TEX15: variants seen among roughly 807,000 people sequenced by gnomAD.
The protein encoded by TEX15 is testis-expressed protein 15.
In TEX15, 171 loss-of-function variants were observed where a neutral mutation model predicts 237.3. The observed-to-expected ratio is 0.72, with a 90% CI of 0.64 to 0.82. The LOEUF (loss-of-function observed/expected upper bound fraction) is 0.82, where lower values mean the gene tolerates loss of function less well. Ranked by LOEUF, TEX15 falls within the 40% of genes least tolerant of loss-of-function variation. The probability of loss-of-function intolerance (pLI) is 0.00; values close to 1 mark genes in which losing one functional copy is unlikely to be tolerated. For synonymous variants in TEX15, 1,338 were observed against 1,269.8 expected (o/e 1.05, Z -1.14); for missense variants, 3,750 against 3,646.5 (o/e 1.03, Z -0.73).
At chr8:30,896,850 T>C (rs6988332) in intron 2 of TEX15, among the ~76,000 whole-genome samples, 35,605 of 152,138 alleles carry the variant, frequency 0.23, 6,131 homozygotes, top group African/African-American at 0.47. Flanking sequence ...ACAAAGCCTC[T>C]TCCAGATTTA....
In TEX15 at chr8:30,845,421, A is replaced by G. The variant is rs1661834300; in HGVS notation, c.4746T>C (p.Thr1582=). The G allele has an allele frequency of 1.9e-6, 3 of 1,612,104 alleles. No individual in the cohort carries two copies. The highest frequency in any genetic ancestry group is 2.5e-6 in the Non-Finnish European group (3 of 1,178,782). Residue 1582 remains threonine, a synonymous_variant, in exon 8 of 11, where the codon ACT becomes ACC. Coordinates refer to ENST00000643185, the MANE Select transcript of TEX15 (RefSeq NM_001350162.2). ...GTTTTTCAAGCTTTTCATATTTACT[A>G]GTGCTAGATAAAAATGCTGTATCAA... ...NQIDTAFLSS[T]SKYEKLEKHS... is the part of the protein sequence containing the mutation.
At position 30,842,000 on chromosome 8, in the gene TEX15, A is replaced by C; in HGVS notation, c.8163+4T>G. ...ATAAAAGTTTTGTTTTAAAACATAC[A>C]TACCTTTAGCTTTTTACAACTGGAA... On this transcript the variant is annotated splice_donor_region_variant and intron_variant, in intron 8 of 10. Coordinates refer to ENST00000643185, the MANE Select transcript of TEX15 (RefSeq NM_001350162.2). The C allele has an allele frequency of 1.3e-6, 2 of 1,560,236 alleles. No individual in the cohort carries two copies. Among genetic ancestry groups the C allele is most frequent in the Non-Finnish European group, 1.7e-6 (2 of 1,157,920 alleles).
chr8:30,840,924 T>C (rs550873055), intron 8 of TEX15, among the ~76,000 whole-genome samples: 2 of 152,236 alleles, frequency 1.3e-5, no homozygotes, highest in African/African-American at 4.8e-5. Context: ...ATTATATATA[T>C]AAATTTTTTT....
chr8:30,859,609 T>C (rs896906822), intron 6 of TEX15, among the ~76,000 whole-genome samples: 4 of 152,164 alleles, frequency 2.6e-5, no homozygotes, highest in African/African-American at 7.2e-5. Context: ...TTATTAAGTA[T>C]GGTCACCCTG....
chr8:30,906,139 G>T (rs1809098679), intron 1 of TEX15, among the ~76,000 whole-genome samples: 1 of 152,234 alleles, frequency 6.6e-6, no homozygotes, highest in Non-Finnish European at 1.5e-5. Flanking sequence ...ATAAGTATTG[G>T]CTATTATTAT....
rs1807490849 is a variant in TEX15 at position 30,842,728 on chromosome 8, G to A, written c.7439C>T (p.Ser2480Leu). The A allele has an allele frequency of 1.9e-6, 3 of 1,613,448 alleles. No individual in the cohort carries two copies. Among genetic ancestry groups the A allele is most frequent in the Non-Finnish European group, 2.5e-6 (3 of 1,179,794 alleles). Residue 2480 changes from serine (S) to leucine (L), a missense_variant, in exon 8 of 11, where the codon TCA (serine) becomes TTA (leucine). Coordinates refer to ENST00000643185, the MANE Select transcript of TEX15 (RefSeq NM_001350162.2). ...RFRGMLWFDL[S>L]LLPELVQCQE... ...GCACTGAACCAGCTCAGGAAGAAGT[G>A]ACAAATCAAACCAAAGCATACCTCG...
rs1256674590 is a variant in TEX15, at chr8:30,844,918, G to A, written c.5249C>T (p.Ala1750Val). 4 of 1,613,272 alleles carry A rather than the reference G, an allele frequency of 2.5e-6. No homozygotes were observed. The African/African-American group carries it at 4.0e-5, about 16-fold the overall frequency. ...QRILTVDSFA[A>V]SSTVPHCEQS... ...CTCACAGTGTGGTACAGTACTGGAT[G>A]CTGCAAAAGAATCTACAGTAAGAAT... is the stretch of plus-strand genomic sequence containing the variant. The change falls in exon 8 of 11, where the codon GCA (alanine) becomes GTA (valine). Residue 1750 changes from alanine (A) to valine (V), a missense_variant. Transcript: ENST00000643185.
intron 7 of TEX15, among the ~76,000 whole-genome samples, chr8:30,851,669 CAATGTGGG>C (rs1807787263): frequency 6.6e-6 from 1 of 150,558 alleles, no homozygotes; most frequent in Admixed American, 6.6e-5. Flanking sequence ...TAATATATAC[CAATGTGGG>C]AAAAGAAACC....
intron 2 of TEX15, among the ~76,000 whole-genome samples, chr8:30,890,270 C>T (rs993375460): frequency 1.3e-4 from 19 of 151,328 alleles, no homozygotes; most frequent in African/African-American, 3.4e-4. Flanking sequence ...CAACTTTAAG[C>T]GAATACATTT....
intron 4 of TEX15, among the ~76,000 whole-genome samples, chr8:30,871,161 C>T (rs915923861): frequency 1.2e-4 from 18 of 152,168 alleles, no homozygotes; most frequent in Middle Eastern, 6.8e-3. Context: ...AATATCACCT[C>T]AGATAATCAC....
In TEX15 at chr8:30,833,205, C is replaced by G. The variant is rs932072312; in HGVS notation, c.*81G>C. On this transcript the variant is annotated 3_prime_UTR_variant, in exon 11 of 11. Transcript: ENST00000643185. Reference sequence around the variant, plus strand: ...TACCACATTTACAAACATTAAAAATCGCTAAATGTTAAAAAATATATAAGT... The same window carrying G: ...TACCACATTTACAAACATTAAAAATGGCTAAATGTTAAAAAATATATAAGT... 1 of 901,196 alleles carries G rather than the reference C, an allele frequency of 1.1e-6. No individual in the cohort carries two copies. Among genetic ancestry groups the G allele is most frequent in the East Asian group, 2.7e-5 (1 of 36,826 alleles). The allele number at this position is 901,196 out of a possible 1,614,324, so 55.8% of individuals were successfully genotyped here.
chr8:30,907,435 T>C (rs553472373), intron 1 of TEX15, among the ~76,000 whole-genome samples: 104 of 149,402 alleles, frequency 7.0e-4, no homozygotes, highest in African/African-American at 2.3e-3. Context: ...CTGGCTAATT[T>C]ATATATACAA....
intron 4 of TEX15, among the ~76,000 whole-genome samples, chr8:30,872,459 TG>T (rs1193897478): frequency 7.9e-5 from 12 of 152,312 alleles, no homozygotes; most frequent in Non-Finnish European, 1.0e-4. Context: ...ACTATGTTGT[TG>T]GTTTATGTAT....
chr8:30,848,765 C>A lies in TEX15; in HGVS notation c.1402G>T (p.Glu468Ter). ...GAATTAGATGGTGTCGATTTTATTTCTGAATTAACATTATCTGAACTCTTC... is the reference window on the plus strand; with the variant it reads ...GAATTAGATGGTGTCGATTTTATTTATGAATTAACATTATCTGAACTCTTC... ...FEKSSDNVNS[E>*]IKSTPSNSAS... Residue 468 changes from glutamate (E) to a stop codon, truncating the protein, a stop_gained, in exon 8 of 11, where the codon GAA (glutamate) becomes TAA (stop). Coordinates refer to ENST00000643185, the MANE Select transcript of TEX15 (RefSeq NM_001350162.2). LOFTEE classifies it high-confidence loss of function. 1 of 1,614,058 alleles carries A rather than the reference C, an allele frequency of 6.2e-7. No individual in the cohort carries two copies. The highest frequency in any genetic ancestry group is 8.5e-7 in the Non-Finnish European group (1 of 1,180,022).
intron 5 of TEX15, among the ~76,000 whole-genome samples, chr8:30,860,553 A>G (rs1026997458): frequency 1.3e-5 from 2 of 150,802 alleles, no homozygotes; most frequent in Admixed American, 1.3e-4. Flanking sequence ...TTAAAATTTC[A>G]GAGAATCTAC....
chr8:30,899,293 G>A (rs1402493627), intron 1 of TEX15, among the ~76,000 whole-genome samples: 1 of 152,164 alleles, frequency 6.6e-6, no homozygotes, highest in Non-Finnish European at 1.5e-5. Context: ...TTCACAGATT[G>A]ATGGTGTTGC....
chr8:30,905,096 T>C (rs572710765), intron 1 of TEX15, among the ~76,000 whole-genome samples: 20 of 152,302 alleles, frequency 1.3e-4, no homozygotes, highest in African/African-American at 4.6e-4. Flanking sequence ...TGAATTTTAA[T>C]ATAACTTGTC....
Position 30,844,132 on chromosome 8 carries a change from G to A in TEX15, c.6035C>T (p.Ser2012Phe). The stretch of plus-strand genomic sequence containing the variant: ...AGTTTCTTCCTGTAGAATCTGCAAA[G>A]ATGATGCTTCATCTGCCCTCTGCAA... ...QILQRADEAS[S>F]LQILQEETKV... The change falls in exon 8 of 11, where the codon TCT (serine) becomes TTT (phenylalanine). Residue 2012 changes from serine to phenylalanine, a missense_variant. By Grantham distance (155) the Ser-to-Phe change is radical. Coordinates refer to ENST00000643185, the MANE Select transcript of TEX15 (RefSeq NM_001350162.2). The A allele has an allele frequency of 6.2e-7, 1 of 1,613,382 alleles. No individual in the cohort carries two copies. The highest frequency in any genetic ancestry group is 1.1e-5 in the South Asian group (1 of 90,984).
At position 30,843,259 on chromosome 8, in the gene TEX15, A is replaced by C. The variant is rs1410622256; in HGVS notation, c.6908T>G (p.Val2303Gly). ...CAACTTAGAAAAGGCACATTTATTC[A>C]CTCTGAGTAGCCTTTCTTCGTCCTT... ...QKKDEERLLR[V>G]NKCAFSKLQK... The change falls in exon 8 of 11, where the codon GTG becomes GGG. Residue 2303 changes from valine to glycine, a missense_variant. Val to Gly is a moderately radical substitution (Grantham distance 109, BLOSUM62 -3). Transcript: ENST00000643185. 1.9e-6 allele frequency: 3 copies of C among 1,612,550 alleles called. No individual in the cohort carries two copies. The highest frequency in any genetic ancestry group is 2.5e-6 in the Non-Finnish European group (3 of 1,179,480).
Sources: allele counts gnomAD v4.1 joint callset (sites outside exome capture counted in the v4.1 genomes callset), GRCh38; gene constraint gnomAD v4.1.1; transcripts MANE v1.5; gene names NCBI Gene and HGNC (gene_info 2026-07-23, HGNC 2026-07-21).